Variants in HIKESHI observed in about 807,000 individuals in gnomAD.
The protein encoded by HIKESHI is heat shock protein nuclear import factor hikeshi.
In HIKESHI, 13 loss-of-function variants were observed where a neutral mutation model predicts 25.7. That is an observed-to-expected ratio of 0.51 (90% CI 0.33 to 0.80). The LOEUF (loss-of-function observed/expected upper bound fraction) is 0.80, where lower values mean the gene tolerates loss of function less well. Ranked by LOEUF, HIKESHI falls within the 30% of genes least tolerant of loss-of-function variation. The pLI is 0.02. For synonymous variants in HIKESHI, 76 were observed against 78.7 expected (o/e 0.97, Z 0.18); for missense variants, 174 against 229.5 (o/e 0.76, Z 1.56).
chr11:86,345,700 C>A lies in HIKESHI; in HGVS notation c.*62C>A, dbSNP rs527317291. Reference sequence around the variant, plus strand: ...GTCATGTTTTGAAGATAACTGACTCCATCTAAAAGTATGAGGTCAAAGGAT... The same window carrying A: ...GTCATGTTTTGAAGATAACTGACTCAATCTAAAAGTATGAGGTCAAAGGAT... On this transcript the variant is annotated 3_prime_UTR_variant, in exon 5 of 5. Transcript: ENST00000278483. 152 of 1,041,876 alleles carry A rather than the reference C, an allele frequency of 1.5e-4. No individual in the cohort carries two copies. In the African/African-American group the frequency reaches 2.1e-3, roughly 15 times the overall value. The allele number at this position is 1,041,876 out of a possible 1,614,324, so 64.5% of individuals were successfully genotyped here. A position where few individuals can be genotyped will look rare whatever the true frequency, so the allele number is the denominator to read the frequency against.
intron 2 of HIKESHI, among the ~76,000 whole-genome samples, chr11:86,337,136 A>G (rs1012535739): frequency 2.0e-5 from 3 of 152,210 alleles, no homozygotes; most frequent in Admixed American, 6.5e-5. Flanking sequence ...GTCTAGTTGC[A>G]GTAGTTTCAA....
chr11:86,302,569 G>A, intron 1 of HIKESHI, 91 bp downstream of exon 1: 1 of 1,436,184 alleles, frequency 7.0e-7, no homozygotes, highest in East Asian at 2.5e-5. Context: ...CTAGGGATGC[G>A]GGGAAGCCCA....
chr11:86,330,103 G>T (rs1446596072), intron 2 of HIKESHI, among the ~76,000 whole-genome samples: 1 of 151,624 alleles, frequency 6.6e-6, no homozygotes, highest in African/African-American at 2.4e-5. Flanking sequence ...TAAATCTTTG[G>T]TTCTTTCACT....
chr11:86,306,522 A>C (rs200004318), intron 2 of HIKESHI, 40 bp downstream of exon 2: 9 of 1,268,962 alleles, frequency 7.1e-6, no homozygotes, highest in Non-Finnish European at 2.2e-6. Flanking sequence ...AATTAATCAA[A>C]CTTTTTTCTT....
At chr11:86,303,136 G>A (rs889109369) in intron 1 of HIKESHI, among the ~76,000 whole-genome samples, 3 of 152,298 alleles carry the variant, frequency 2.0e-5, no homozygotes, top group South Asian at 2.1e-4. Context: ...TAGAGTAAAT[G>A]AGAACAGCAC....
intron 2 of HIKESHI, chr11:86,326,648 T>C (rs1008670563): frequency 2.3e-6 from 1 of 429,374 alleles, no homozygotes; most frequent in Non-Finnish European, 4.7e-6. Context: ...CTATGGAAGA[T>C]TAGACTGGAG....
At chr11:86,314,061 C>G (rs1175571685) in intron 2 of HIKESHI, among the ~76,000 whole-genome samples, 2 of 152,116 alleles carry the variant, frequency 1.3e-5, no homozygotes, top group African/African-American at 2.4e-5. Context: ...GGTCACAGAC[C>G]TATTCCATAG....
At chr11:86,309,376 AGTGTGTGTTC>A (rs1946772448) in intron 2 of HIKESHI, among the ~76,000 whole-genome samples, 2 of 152,140 alleles carry the variant, frequency 1.3e-5, no homozygotes, top group Non-Finnish European at 2.9e-5. Flanking sequence ...TCTTTTGAGA[AGTGTGTGTTC>A]ATATCCGTTG....
intron 4 of HIKESHI, chr11:86,345,381 TAA>T (rs1463812899): frequency 4.5e-6 from 2 of 445,260 alleles, no homozygotes; most frequent in Non-Finnish European, 7.8e-6. Flanking sequence ...TGATAAAAGC[TAA>T]TCAAAACTGC....
chr11:86,312,112 C>A (rs147795972), intron 2 of HIKESHI, among the ~76,000 whole-genome samples: 4,934 of 152,130 alleles, frequency 0.032, 258 homozygotes, highest in African/African-American at 0.11. Flanking sequence ...TCCTGGATAT[C>A]CTTGTTAACT....
At chr11:86,329,356 T>G (rs1947363803) in intron 2 of HIKESHI, among the ~76,000 whole-genome samples, 1 of 152,144 alleles carries the variant, frequency 6.6e-6, no homozygotes, top group African/African-American at 2.4e-5. Context: ...TCTCAAAACA[T>G]TTTAAATTTC....
chr11:86,343,339 T>C (rs1947785427), intron 3 of HIKESHI, among the ~76,000 whole-genome samples: 1 of 151,880 alleles, frequency 6.6e-6, no homozygotes, highest in Non-Finnish European at 1.5e-5. Context: ...ATTGATCTTT[T>C]AGTTGTGACT....
chr11:86,318,994 A>G (rs1036717046), intron 2 of HIKESHI, among the ~76,000 whole-genome samples: 31 of 152,154 alleles, frequency 2.0e-4, no homozygotes, highest in African/African-American at 4.6e-4. Context: ...ATAGCTCACT[A>G]TAGCTTCAAA....
intron 3 of HIKESHI, among the ~76,000 whole-genome samples, chr11:86,339,336 C>A (rs1242775483): frequency 6.6e-6 from 1 of 152,188 alleles, no homozygotes; most frequent in South Asian, 2.1e-4. Flanking sequence ...GCGTGAGCCA[C>A]CGCGCCCAGC....
intron 2 of HIKESHI, among the ~76,000 whole-genome samples, chr11:86,313,099 A>G (rs1246596048): frequency 1.3e-5 from 2 of 152,032 alleles, no homozygotes; most frequent in Non-Finnish European, 2.9e-5. Flanking sequence ...CTTTGCTTTG[A>G]TACTTTGAGG....
chr11:86,340,241 T>A (rs1047802170), intron 3 of HIKESHI, among the ~76,000 whole-genome samples: 2 of 152,228 alleles, frequency 1.3e-5, no homozygotes, highest in Non-Finnish European at 2.9e-5. Flanking sequence ...AGCAGCATGA[T>A]TTGTAATCCT....
chr11:86,308,704 T>C (rs1351215906), intron 2 of HIKESHI, among the ~76,000 whole-genome samples: 3 of 152,030 alleles, frequency 2.0e-5, no homozygotes, highest in East Asian at 1.9e-4. Flanking sequence ...TATCTCCTAA[T>C]GCTATCCCTC....
In HIKESHI at chr11:86,318,303, C is replaced by CAGA. The variant is rs1947045978; in HGVS notation, c.268+11822_268+11823insGAA. Among the ~76,000 whole-genome samples the CAGA allele has an allele frequency of 8.4e-5, 3 of 35,680 alleles. No homozygotes were observed. In the East Asian group the frequency reaches 2.5e-3, roughly 30 times the overall value. 23.4% of individuals were successfully genotyped at this position (35,680 alleles called of 152,430 possible). On this transcript the variant is annotated intron_variant, in intron 2 of 4. Transcript: ENST00000278483. ...TGGGCGACAGAGCAAGACTCCGTCT[C>CAGA]AAAAAAAAAAAAAAAAAAAATCCTG...
intron 2 of HIKESHI, among the ~76,000 whole-genome samples, chr11:86,332,694 G>T (rs1263999774): frequency 2.0e-5 from 3 of 152,228 alleles, no homozygotes; most frequent in African/African-American, 7.2e-5. Flanking sequence ...TAGAGTAGAA[G>T]TTGGCAAACT....
Sources: gnomAD v4.1 joint callset for allele counts (sites outside exome capture counted in the v4.1 genomes callset) on GRCh38, gnomAD v4.1.1 for gene constraint, MANE v1.5 for transcripts, NCBI Gene and HGNC (gene_info 2026-07-23, HGNC 2026-07-21) for gene names.